Variants in ROBO2 observed in about 807,000 individuals in gnomAD.
The protein encoded by ROBO2 is roundabout homolog 2.
A neutral mutation model predicts 160.8 loss-of-function variants in ROBO2; 53 were observed. That is an observed-to-expected ratio of 0.33 (90% confidence interval 0.26 to 0.41). The LOEUF is 0.41. Among genes scored for constraint, ROBO2 ranks in the 10% least tolerant of loss-of-function variants. The probability of loss-of-function intolerance (pLI) is 1.00; values close to 1 mark genes in which losing one functional copy is unlikely to be tolerated. For missense variants in ROBO2, 1,577 were observed against 1,722.4 expected (o/e 0.92, Z 1.49); for synonymous variants, 664 against 611.7 (o/e 1.09, Z -1.26).
chr3:77,304,257 A>G (rs1211107041), intron 2 of ROBO2, among the ~76,000 whole-genome samples: 1 of 152,184 alleles, frequency 6.6e-6, no homozygotes, highest in African/African-American at 2.4e-5. Context: ...CTTTTGTATA[A>G]CGCATGTGCA....
chr3:77,272,706 C>T (rs1342193919), intron 2 of ROBO2, among the ~76,000 whole-genome samples: 1 of 152,084 alleles, frequency 6.6e-6, no homozygotes, highest in Non-Finnish European at 1.5e-5. Flanking sequence ...GTTACTGGGC[C>T]TGTATCTTTA....
rs71104695 is a variant in ROBO2 at position 77,640,097 on chromosome 3, A to ATTTTTTTTTT, written c.3935-4584_3935-4575dup. ...AGAGAAGAAACACTGCAGAGGAAGC[A>ATTTTTTTTTT]TTTTTTTTTTTTTTTTTTTTTTTTT... On this transcript the variant is annotated intron_variant, in intron 24 of 25. Transcript: ENST00000461745. Among the ~76,000 whole-genome samples the ATTTTTTTTTT allele has an allele frequency of 4.3e-3, 281 of 65,478 alleles. 32 individuals carry two copies. Among genetic ancestry groups the ATTTTTTTTTT allele is most frequent in the South Asian group, 8.1e-3 (9 of 1,114 alleles). 43.0% of individuals were successfully genotyped at this position (65,478 alleles called of 152,430 possible).
At chr3:77,213,802 GA>G (rs2084525595) in intron 2 of ROBO2, among the ~76,000 whole-genome samples, 1 of 152,086 alleles carries the variant, frequency 6.6e-6, no homozygotes, top group Non-Finnish European at 1.5e-5. Context: ...TGGTTTCAAA[GA>G]ACATCTTTAT....
At chr3:76,134,539 T>A (rs1469836067) in intron 2 of ROBO2, among the ~76,000 whole-genome samples, 1 of 152,078 alleles carries the variant, frequency 6.6e-6, no homozygotes, top group Non-Finnish European at 1.5e-5. Context: ...AAAGAAGATC[T>A]GGCGATCAGA....
chr3:77,260,542 G>A (rs902683165), intron 2 of ROBO2, among the ~76,000 whole-genome samples: 2 of 152,110 alleles, frequency 1.3e-5, no homozygotes, highest in African/African-American at 2.4e-5. Context: ...GCAGATTCAT[G>A]GTTTTGAATT....
intron 2 of ROBO2, among the ~76,000 whole-genome samples, chr3:76,022,757 T>C (rs1490923859): frequency 6.6e-6 from 1 of 151,740 alleles, no homozygotes; most frequent in African/African-American, 2.4e-5. Context: ...TTTACTATTT[T>C]CAGAATGGTA....
intron 5 of ROBO2, among the ~76,000 whole-genome samples, chr3:77,499,678 T>C (rs2087279965): frequency 6.7e-6 from 1 of 150,170 alleles, no homozygotes; most frequent in Non-Finnish European, 1.5e-5. Context: ...TGACGGAGTC[T>C]TACTCTGTCA....
chr3:77,527,378 C>T (rs898057390), intron 6 of ROBO2, 25 bp from the exon 7 acceptor site: 7 of 1,286,064 alleles, frequency 5.4e-6, no homozygotes, highest in East Asian at 5.6e-5. Context: ...TTTATGTTCT[C>T]ACCACACCAT....
chr3:76,493,499 A>G (rs1005004430), intron 2 of ROBO2, among the ~76,000 whole-genome samples: 3 of 151,794 alleles, frequency 2.0e-5, no homozygotes, highest in Non-Finnish European at 4.4e-5. Context: ...TTGTTTGTCC[A>G]TATCCAATTT....
chr3:76,891,135 G>A (rs1268543554), intron 2 of ROBO2, among the ~76,000 whole-genome samples: 4 of 151,616 alleles, frequency 2.6e-5, no homozygotes, highest in Admixed American at 6.6e-5. Flanking sequence ...TCTTAATATC[G>A]AACTATCTTT....
At chr3:76,462,495 TGTTA>T (rs1223705846) in intron 2 of ROBO2, among the ~76,000 whole-genome samples, 2 of 152,098 alleles carry the variant, frequency 1.3e-5, no homozygotes, top group Non-Finnish European at 2.9e-5. Context: ...ATTTCTTTAA[TGTTA>T]GTTATTACTT....
intron 2 of ROBO2, among the ~76,000 whole-genome samples, chr3:76,362,780 A>C (rs995296883): frequency 6.6e-6 from 1 of 151,960 alleles, no homozygotes; most frequent in East Asian, 2.0e-4. Context: ...GCTGTTCCTG[A>C]GATTTAGTAT....
intron 2 of ROBO2, among the ~76,000 whole-genome samples, chr3:76,648,873 A>C (rs13076172): frequency 0.68 from 103,667 of 151,916 alleles, 36,216 homozygotes; most frequent in African/African-American, 0.83. Flanking sequence ...AATGTTATGA[A>C]ATTTAAAATT....
Position 76,657,938 on chromosome 3 carries a change from C to T in ROBO2, c.110-440076C>T, listed in dbSNP as rs756728367. On this transcript the variant is annotated intron_variant, in intron 2 of 26. Transcript: ENST00000487694. ...TGAACATTAGCTGGGCATGGTGGCA[C>T]GCACCTCAGTCCTACCTACTCCAGA... Among the ~76,000 whole-genome samples, 194 of 149,034 alleles carry T rather than the reference C, an allele frequency of 1.3e-3. 1 individual carries two copies. Among genetic ancestry groups the T allele is most frequent in the Non-Finnish European group, 2.0e-3 (132 of 67,476 alleles).
chr3:76,231,074 T>TA (rs1332950638), intron 2 of ROBO2, among the ~76,000 whole-genome samples: 1 of 152,166 alleles, frequency 6.6e-6, no homozygotes, highest in African/African-American at 2.4e-5. Context: ...CTTTCAGACT[T>TA]ACTGCTTTCA....
intron 16 of ROBO2, among the ~76,000 whole-genome samples, chr3:77,583,482 A>G (rs1269052220): frequency 1.3e-5 from 2 of 152,004 alleles, no homozygotes; most frequent in Admixed American, 1.3e-4. Context: ...GTCATTTCAT[A>G]TATTACACTT....
At chr3:77,608,364 G>A (rs983137938) in intron 21 of ROBO2, among the ~76,000 whole-genome samples, 6 of 152,144 alleles carry the variant, frequency 3.9e-5, no homozygotes, top group African/African-American at 9.7e-5. Flanking sequence ...ATAGCAGGGC[G>A]CCACTGTAGA....
At chr3:77,617,813 C>A (rs147187243) in intron 22 of ROBO2, 40 bp downstream of exon 23, 2 of 1,605,018 alleles carry the variant, frequency 1.2e-6, no homozygotes, top group Non-Finnish European at 1.7e-6. Flanking sequence ...ATGCTTTCAA[C>A]ACATGGAAAT....
At chr3:76,118,181 G>C (rs2070559863) in intron 2 of ROBO2, among the ~76,000 whole-genome samples, 1 of 152,070 alleles carries the variant, frequency 6.6e-6, no homozygotes, top group Non-Finnish European at 1.5e-5. Context: ...AAAAAAAATA[G>C]ATGAGTAAGA....
Sources: gnomAD v4.1 joint callset for allele counts (sites outside exome capture counted in the v4.1 genomes callset) on GRCh38, gnomAD v4.1.1 for gene constraint, MANE v1.5 for transcripts, NCBI Gene and HGNC (gene_info 2026-07-23, HGNC 2026-07-21) for gene names.